Variants in WDFY4 observed in about 807,000 individuals in gnomAD.
The protein encoded by WDFY4 is WDFY family member 4, also known as WD repeat- and FYVE domain-containing protein 4.
WDFY4 carries 169 observed loss-of-function variants against 351.9 expected under a neutral mutation model. The observed-to-expected ratio is 0.48, with a 90% CI of 0.42 to 0.55. The LOEUF is 0.55. Ranked by LOEUF, WDFY4 falls within the 20% of genes least tolerant of loss-of-function variation. The probability of loss-of-function intolerance (pLI) is 0.00; values close to 1 mark genes in which losing one functional copy is unlikely to be tolerated. For missense variants in WDFY4, 3,803 were observed against 3,935.6 expected (o/e 0.97, Z 0.90); for synonymous variants, 1,622 against 1,574.6 (o/e 1.03, Z -0.71).
At chr10:48,787,885 CTTCTTCTCCTTCTTCTTCT>C (rs2066489031) in intron 20 of WDFY4, among the ~76,000 whole-genome samples, 1 of 80,288 alleles carries the variant, frequency 1.2e-5, no homozygotes, top group African/African-American at 8.8e-5. Context: ...TTTCTTTCTT[CTTCTTCTCCTTCTTCTTCT>C]TCTTCTTCTT....
chr10:48,862,250 A>G (rs1037628419), intron 39 of WDFY4, among the ~76,000 whole-genome samples: 3 of 152,106 alleles, frequency 2.0e-5, no homozygotes, highest in African/African-American at 7.2e-5. Context: ...TCTGGATTTT[A>G]TTTTTCCCTA....
intron 6 of WDFY4, 87 bp downstream of exon 6, chr10:48,726,157 C>T: frequency 1.4e-6 from 2 of 1,412,554 alleles, no homozygotes; most frequent in Non-Finnish European, 1.9e-6. Flanking sequence ...CCACTTTCTA[C>T]AATGAGACTT....
chr10:48,927,023 C>T (rs777332093), intron 47 of WDFY4, among the ~76,000 whole-genome samples: 114 of 152,330 alleles, frequency 7.5e-4, no homozygotes, highest in Non-Finnish European at 7.9e-4. Flanking sequence ...CTCTGGTTCT[C>T]ACCAGAGAGG....
At chr10:48,687,858 T>C (rs144361003) in intron 1 of WDFY4, among the ~76,000 whole-genome samples, 2,609 of 151,536 alleles carry the variant, frequency 0.017, 68 homozygotes, top group African/African-American at 0.059. Flanking sequence ...CTCAGCTCAC[T>C]GCAACCTCCA....
chr10:48,819,483 G>T lies in WDFY4; in HGVS notation c.5506-751G>T, dbSNP rs2067738037. On this transcript the variant is annotated intron_variant, in intron 32 of 61. Coordinates refer to ENST00000325239, the MANE Select transcript of WDFY4 (RefSeq NM_001394531.1). ...CGCATTAATTTTATGAATGAGCAAA[G>T]GGAGGTGCTAACAGATGAATGCGCA... 2.6e-5 allele frequency among the ~76,000 whole-genome samples: 4 copies of T among 152,162 alleles called. No homozygotes were observed. The South Asian group carries it at 8.3e-4, about 32-fold the overall frequency.
intron 20 of WDFY4, among the ~76,000 whole-genome samples, chr10:48,787,507 C>A (rs17011203): frequency 0.05 from 7,681 of 152,310 alleles, 684 homozygotes; most frequent in African/African-American, 0.18. Context: ...TTCATGGCAC[C>A]TTTCTCTACT....
chr10:48,749,632 C>G (rs1449336742), intron 12 of WDFY4, among the ~76,000 whole-genome samples: 1 of 152,180 alleles, frequency 6.6e-6, no homozygotes, highest in African/African-American at 2.4e-5. Context: ...GAAAGTGGAG[C>G]AGAAGCAGGG....
chr10:48,754,113 A>G (rs1253309730), intron 12 of WDFY4, among the ~76,000 whole-genome samples: 1 of 152,154 alleles, frequency 6.6e-6, no homozygotes, highest in Non-Finnish European at 1.5e-5. Context: ...AATATAAATC[A>G]TACTTGGTCA....
intron 12 of WDFY4, among the ~76,000 whole-genome samples, chr10:48,749,453 C>A (rs774682775): frequency 1.3e-5 from 2 of 152,048 alleles, no homozygotes; most frequent in Admixed American, 6.6e-5. Flanking sequence ...AGCACATACA[C>A]ATGAATACAC....
chr10:48,870,556 G>GA (rs201718745), intron 40 of WDFY4, among the ~76,000 whole-genome samples: 3,990 of 122,804 alleles, frequency 0.032, 104 homozygotes, highest in African/African-American at 0.064. Context: ...CCTTGTCTCT[G>GA]AAAAAAAAAA....
intron 35 of WDFY4, 23 bp downstream of exon 35, chr10:48,822,560 G>T (rs1181517848): frequency 4.6e-6 from 7 of 1,506,508 alleles, no homozygotes; most frequent in Non-Finnish European, 6.3e-6. Flanking sequence ...CACTGACCGG[G>T]TATCTGTGTG....
intron 47 of WDFY4, among the ~76,000 whole-genome samples, chr10:48,914,527 G>C (rs142718717): frequency 2.6e-5 from 4 of 152,304 alleles, no homozygotes; most frequent in African/African-American, 4.8e-5. Flanking sequence ...GTCCCAGACT[G>C]TCACGTACCC....
intron 31 of WDFY4, among the ~76,000 whole-genome samples, chr10:48,815,859 G>A (rs1283715391): frequency 2.0e-5 from 3 of 151,658 alleles, no homozygotes; most frequent in Non-Finnish European, 4.4e-5. Context: ...ATGATTTCAT[G>A]CATCCTATAA....
At chr10:48,704,799 A>C (rs569014893) in intron 1 of WDFY4, among the ~76,000 whole-genome samples, 1 of 152,206 alleles carries the variant, frequency 6.6e-6, no homozygotes, top group African/African-American at 2.4e-5. Flanking sequence ...CCTCAGTACC[A>C]GCTGTGGACG....
intron 53 of WDFY4, among the ~76,000 whole-genome samples, chr10:48,962,757 C>A (rs1055132491): frequency 1.3e-5 from 2 of 152,180 alleles, no homozygotes; most frequent in African/African-American, 4.8e-5. Context: ...GTTGTAAACT[C>A]GGATCCAGGC....
At chr10:48,811,442 T>A (rs1423731568) in intron 29 of WDFY4, 97 bp from the exon 30 acceptor site, 2 of 1,026,572 alleles carry the variant, frequency 1.9e-6, no homozygotes, top group African/African-American at 3.2e-5. Context: ...TTCTATGGGA[T>A]GGGTGGGTGG....
At chr10:48,874,762 C>G (rs534784947) in intron 41 of WDFY4, among the ~76,000 whole-genome samples, 2 of 152,330 alleles carry the variant, frequency 1.3e-5, no homozygotes, top group East Asian at 3.9e-4. Context: ...AGCCCTGGAA[C>G]CTCCCCTGGT....
At chr10:48,861,156 C>T (rs138540204) in intron 39 of WDFY4, among the ~76,000 whole-genome samples, 1,627 of 152,184 alleles carry the variant, frequency 0.011, 28 homozygotes, top group African/African-American at 0.037. Context: ...TCTCTACACT[C>T]GTTTAAAATC....
Position 48,957,221 on chromosome 10 carries a change from G to A in WDFY4, c.8070G>A (p.Glu2690=). ...GAGAGAACATGAGTGACGTCAGGGA[G>A]CTGACCCCAGAGTTCTTCTACCTGC... ...ASRENMSDVR[E]LTPEFFYLPE... The change falls in exon 52 of 62, where the codon GAG becomes GAA. Residue 2690 remains glutamate, a synonymous_variant. Coordinates refer to ENST00000325239, the MANE Select transcript of WDFY4 (RefSeq NM_001394531.1). 1.9e-6 allele frequency: 3 copies of A among 1,551,720 alleles called. No homozygotes were observed. The highest frequency in any genetic ancestry group is 2.6e-6 in the Non-Finnish European group (3 of 1,146,992).
Sources: gnomAD v4.1 joint callset for allele counts (sites outside exome capture counted in the v4.1 genomes callset) on GRCh38, gnomAD v4.1.1 for gene constraint, MANE v1.5 for transcripts, NCBI Gene and HGNC (gene_info 2026-07-23, HGNC 2026-07-21) for gene names.